RABGAP1L: variants seen among roughly 807,000 people sequenced by gnomAD.
RABGAP1L encodes rab GTPase-activating protein 1-like.
RABGAP1L carries 63 observed loss-of-function variants against 137.7 expected under a neutral mutation model. That is an observed-to-expected ratio of 0.46 (90% CI 0.37 to 0.56). RABGAP1L has a LOEUF of 0.56. Ranked by LOEUF, RABGAP1L falls within the 20% of genes least tolerant of loss-of-function variation. The probability of loss-of-function intolerance (pLI) is 0.00; values close to 1 mark genes in which losing one functional copy is unlikely to be tolerated. For synonymous variants in RABGAP1L, 431 were observed against 433.7 expected (o/e 0.99, Z 0.08); for missense variants, 1,095 against 1,244.0 (o/e 0.88, Z 1.80).
intron 13 of RABGAP1L, chr1:174,548,039 G>A: frequency 6.4e-7 from 1 of 1,550,498 alleles, no homozygotes; most frequent in Non-Finnish European, 8.7e-7. Context: ...CTTATTAAGA[G>A]GCTTAATGCC....
chr1:174,166,289 C>T (rs1193754809), intron 1 of RABGAP1L, among the ~76,000 whole-genome samples: 1 of 151,676 alleles, frequency 6.6e-6, no homozygotes, highest in Non-Finnish European at 1.5e-5. Context: ...TGTAGTAGAA[C>T]AGGAAGCAGT....
intron 18 of RABGAP1L, among the ~76,000 whole-genome samples, chr1:174,811,007 C>T (rs1212135007): frequency 3.3e-5 from 5 of 151,664 alleles, no homozygotes; most frequent in East Asian, 1.9e-4. Flanking sequence ...GAGGCTGAGG[C>T]GGGAGGATCA....
intron 14 of RABGAP1L, among the ~76,000 whole-genome samples, chr1:174,661,898 G>A (rs948302919): frequency 2.6e-5 from 4 of 152,090 alleles, no homozygotes; most frequent in African/African-American, 9.7e-5. Flanking sequence ...GCTGCCAGGT[G>A]TATAAAGGTA....
intron 13 of RABGAP1L, among the ~76,000 whole-genome samples, chr1:174,636,667 A>C (rs563086273): frequency 6.6e-6 from 1 of 152,298 alleles, no homozygotes; most frequent in South Asian, 2.1e-4. Context: ...AGTTTTTATC[A>C]GATTGTCAGA....
chr1:174,816,894 C>T (rs1046141438), intron 19 of RABGAP1L, among the ~76,000 whole-genome samples: 1 of 152,090 alleles, frequency 6.6e-6, no homozygotes, highest in African/African-American at 2.4e-5. Context: ...CCATGCCTGG[C>T]TAATTTTTTG....
intron 12 of RABGAP1L, among the ~76,000 whole-genome samples, chr1:174,388,688 C>G (rs894551545): frequency 1.3e-5 from 2 of 152,026 alleles, no homozygotes; most frequent in Non-Finnish European, 2.9e-5. Flanking sequence ...GCATGGAAAA[C>G]TTAAAAAAGT....
At chr1:174,377,258 T>C (rs990927085) in intron 12 of RABGAP1L, among the ~76,000 whole-genome samples, 4 of 152,158 alleles carry the variant, frequency 2.6e-5, no homozygotes, top group African/African-American at 4.8e-5. Flanking sequence ...AATCTCAATA[T>C]TATTAAGATT....
At chr1:174,408,131 C>G (rs1649491081) in intron 13 of RABGAP1L, among the ~76,000 whole-genome samples, 1 of 152,132 alleles carries the variant, frequency 6.6e-6, no homozygotes, top group African/African-American at 2.4e-5. Flanking sequence ...GAATGTATTG[C>G]ATGATGCTGA....
chr1:174,962,140 G>A (rs565169994), intron 20 of RABGAP1L, among the ~76,000 whole-genome samples: 10 of 148,924 alleles, frequency 6.7e-5, no homozygotes, highest in Non-Finnish European at 1.3e-4. Flanking sequence ...ACGCCACTGC[G>A]CTCCAGCCTG....
chr1:174,635,980 C>G (rs1483328665), intron 13 of RABGAP1L, among the ~76,000 whole-genome samples: 1 of 152,064 alleles, frequency 6.6e-6, no homozygotes, highest in African/African-American at 2.4e-5. Flanking sequence ...TTCTTCAAAT[C>G]TTTATGGAAA....
intron 13 of RABGAP1L, among the ~76,000 whole-genome samples, chr1:174,427,484 T>C (rs1652102060): frequency 1.3e-5 from 2 of 152,142 alleles, no homozygotes; most frequent in African/African-American, 4.8e-5. Flanking sequence ...AAAGGTTCAG[T>C]GTTCTGAGTT....
At chr1:174,527,901 C>CTTTTTTTTTTTTTTTTTTT (rs57707616) in intron 13 of RABGAP1L, among the ~76,000 whole-genome samples, 2 of 124,850 alleles carry the variant, frequency 1.6e-5, no homozygotes, top group African/African-American at 6.3e-5. Flanking sequence ...ATATACTTGT[C>CTTTTTTTTTTTTTTTTTTT]TTTTTTTTTT....
chr1:174,231,916 A>T (rs1670691435), intron 4 of RABGAP1L, among the ~76,000 whole-genome samples: 3 of 152,160 alleles, frequency 2.0e-5, no homozygotes, highest in Admixed American at 1.3e-4. Context: ...AACATTGGAG[A>T]TTACAATTTG....
intron 13 of RABGAP1L, among the ~76,000 whole-genome samples, chr1:174,553,332 G>C (rs1666676408): frequency 6.6e-6 from 1 of 152,128 alleles, no homozygotes; most frequent in South Asian, 2.1e-4. Context: ...TATTGCCTAG[G>C]TTATCTTCCA....
At chr1:174,666,415 C>G (rs1386550933) in intron 14 of RABGAP1L, among the ~76,000 whole-genome samples, 1 of 152,120 alleles carries the variant, frequency 6.6e-6, no homozygotes, top group Non-Finnish European at 1.5e-5. Context: ...CTGAAAAAAT[C>G]GTGACAGTTC....
In RABGAP1L at chr1:174,647,350, T is replaced by C. The variant is rs538651739; in HGVS notation, c.1824+9862T>C. 5.3e-5 allele frequency among the ~76,000 whole-genome samples: 8 copies of C among 152,272 alleles called. No homozygotes were observed. In the East Asian group the frequency reaches 1.5e-3, roughly 29 times the overall value. ...TATGATATTGGCTGTGGGTCTGTCA[T>C]AAATAGCTCTTATTATTTTGAGATA... On this transcript the variant is annotated intron_variant, in intron 14 of 25. Coordinates refer to ENST00000681986, the MANE Select transcript of RABGAP1L (RefSeq NM_001366446.1).
intron 13 of RABGAP1L, among the ~76,000 whole-genome samples, chr1:174,482,691 G>A (rs371486951): frequency 5.9e-5 from 9 of 152,198 alleles, no homozygotes; most frequent in East Asian, 1.9e-4. Context: ...TGCCCAGGCC[G>A]GTCTCGAACT....
chr1:174,323,972 T>C (rs1488140441), intron 11 of RABGAP1L, among the ~76,000 whole-genome samples: 3 of 152,148 alleles, frequency 2.0e-5, no homozygotes, highest in African/African-American at 7.2e-5. Flanking sequence ...CATTTACTTA[T>C]GAAAAACAAC....
chr1:174,370,271 T>C (rs1380956522), intron 11 of RABGAP1L, among the ~76,000 whole-genome samples: 1 of 152,148 alleles, frequency 6.6e-6, no homozygotes, highest in African/African-American at 2.4e-5. Flanking sequence ...TCTATTGTTC[T>C]TTCTTTCCTT....
Sources: gnomAD v4.1 joint callset for allele counts (sites outside exome capture counted in the v4.1 genomes callset) on GRCh38, gnomAD v4.1.1 for gene constraint, MANE v1.5 for transcripts, NCBI Gene and HGNC (gene_info 2026-07-23, HGNC 2026-07-21) for gene names.